DTNA: variants seen among roughly 807,000 people sequenced by gnomAD.
DTNA encodes dystrobrevin alpha, also known as dystrophin-related protein 3.
DTNA carries 43 observed loss-of-function variants against 100.7 expected under a neutral mutation model. That is an observed-to-expected ratio of 0.43 (90% CI 0.33 to 0.55). The LOEUF (loss-of-function observed/expected upper bound fraction) is 0.55, where lower values mean the gene tolerates loss of function less well. DTNA is among the 20% of genes least tolerant of loss of function. DTNA has a pLI of 0.04. For missense variants in DTNA, 798 were observed against 953.9 expected (o/e 0.84, Z 2.15); for synonymous variants, 349 against 347.9 (o/e 1.00, Z -0.04).
intron 17 of DTNA, chr18:34,867,152 CA>C: frequency 1.6e-6 from 2 of 1,231,284 alleles, no homozygotes; most frequent in Non-Finnish European, 2.0e-6. Context: ...ACAACCTGTC[CA>C]ATTTCAACGT....
At chr18:34,629,903 C>T (rs2057849560) in intron 1 of DTNA, among the ~76,000 whole-genome samples, 1 of 152,200 alleles carries the variant, frequency 6.6e-6, no homozygotes, top group Non-Finnish European at 1.5e-5. Context: ...CCTGCTGGGC[C>T]TCTGATTCCA....
At chr18:34,729,717 G>A (rs1171193521) in intron 1 of DTNA, among the ~76,000 whole-genome samples, 1 of 152,046 alleles carries the variant, frequency 6.6e-6, no homozygotes, top group East Asian at 1.9e-4. Context: ...AGATACAAAA[G>A]TAAACACACT....
intron 14 of DTNA, among the ~76,000 whole-genome samples, chr18:34,850,752 C>T (rs2096463744): frequency 6.6e-6 from 1 of 152,134 alleles, no homozygotes; most frequent in Non-Finnish European, 1.5e-5. Flanking sequence ...CATAAGTGTA[C>T]ATAATATGAC....
rs531434237 is a variant in DTNA at position 34,882,250 on chromosome 18, T to C, written c.2295+49T>C. 19 of 1,606,964 alleles carry C rather than the reference T, an allele frequency of 1.2e-5. No homozygotes were observed. The Admixed American group carries it at 2.5e-4, about 21-fold the overall frequency. On this transcript the variant is annotated intron_variant, in intron 21 of 22. Transcript: ENST00000444659. Reference sequence around the variant, plus strand: ...ACCCCACCTCTTCTGCCTCAACCCCTTGGTAGCTGGGTCTTTGACATGACT... The same window carrying C: ...ACCCCACCTCTTCTGCCTCAACCCCCTGGTAGCTGGGTCTTTGACATGACT...
intron 1 of DTNA, among the ~76,000 whole-genome samples, chr18:34,630,472 T>C (rs1390115719): frequency 6.6e-6 from 1 of 152,176 alleles, no homozygotes; most frequent in African/African-American, 2.4e-5. Flanking sequence ...TAGTCAGCGA[T>C]AAGAAAATGA....
intron 1 of DTNA, among the ~76,000 whole-genome samples, chr18:34,669,296 C>T (rs2076402755): frequency 6.6e-6 from 1 of 152,116 alleles, no homozygotes; most frequent in Non-Finnish European, 1.5e-5. Context: ...TTCCTCCGTC[C>T]CTTTATTTTG....
At chr18:34,678,265 G>A (rs1439978337) in intron 1 of DTNA, among the ~76,000 whole-genome samples, 1 of 152,150 alleles carries the variant, frequency 6.6e-6, no homozygotes, top group African/African-American at 2.4e-5. Context: ...AGAGGAAGGG[G>A]AAGATTTTGT....
rs566698666 is a variant in DTNA at position 34,509,819 on chromosome 18, A to G, written c.-2+16305A>G. 2.6e-5 allele frequency among the ~76,000 whole-genome samples: 4 copies of G among 152,232 alleles called. No homozygotes were observed. In the East Asian group the frequency reaches 7.7e-4, roughly 29 times the overall value. On this transcript the variant is annotated intron_variant, in intron 1 of 19. Transcript: ENST00000283365. The stretch of plus-strand genomic sequence containing the variant: ...ATATGATGTAACAGCTAAAAATAAA[A>G]GTTCTCTAAATACCTTTAATATTTC...
At chr18:34,872,689 C>T (rs2096777264) in intron 17 of DTNA, among the ~76,000 whole-genome samples, 1 of 152,228 alleles carries the variant, frequency 6.6e-6, no homozygotes, top group Admixed American at 6.5e-5. Context: ...TACATCTTTT[C>T]CATGATCCAG....
Position 34,517,567 on chromosome 18 carries a change from G to A in DTNA, c.-2+24053G>A, listed in dbSNP as rs769707598. Among the ~76,000 whole-genome samples the A allele has an allele frequency of 8.4e-4, 128 of 151,510 alleles. 1 individual carries two copies. Among genetic ancestry groups the A allele is most frequent in the Non-Finnish European group, 2.1e-4 (14 of 67,912 alleles). On this transcript the variant is annotated intron_variant, in intron 1 of 19. Coordinates refer to the DTNA transcript ENST00000283365. ...AATCAAGATAGAGAACAGTTCCATA[G>A]TGCTGCTCTTTTATATCCATGCTCA...
chr18:34,580,652 C>T (rs1007369734), intron 1 of DTNA, among the ~76,000 whole-genome samples: 2 of 152,142 alleles, frequency 1.3e-5, no homozygotes, highest in African/African-American at 4.8e-5. Flanking sequence ...TTAAAGCCAT[C>T]CTGCCAATGT....
chr18:34,699,025 T>TA lies in DTNA; in HGVS notation c.-1-56949dup, dbSNP rs533297063. Among the ~76,000 whole-genome samples, 129 of 151,262 alleles carry TA rather than the reference T, an allele frequency of 8.5e-4. 1 individual carries two copies. The highest frequency in any genetic ancestry group is 2.7e-3 in the Admixed American group (41 of 15,058). On this transcript the variant is annotated intron_variant, in intron 1 of 19. Coordinates refer to the DTNA transcript ENST00000283365. ...TCTAGTATGATCTCATTGTGATCCT[T>TA]AACTGATTATATCTGAAAAGACTTT...
Position 34,889,073 on chromosome 18 carries a change from CCT to C in DTNA, c.*1340_*1341del. The C allele has an allele frequency of 2.0e-6, 2 of 985,644 alleles. No individual in the cohort carries two copies. Among genetic ancestry groups the C allele is most frequent in the Non-Finnish European group, 2.4e-6 (2 of 829,924 alleles). The allele number at this position is 985,644 out of a possible 1,614,324, so 61.1% of individuals were successfully genotyped here. On this transcript the variant is annotated 3_prime_UTR_variant, in exon 23 of 23. Transcript: ENST00000444659. ...CCTCTTTAGAGGGCCCTAAAGACCT[CCT>C]TTGGGAATTCTGGGGAAAAAGAAAA... is the stretch of plus-strand genomic sequence containing the variant.
At chr18:34,520,394 A>G (rs758965179) in intron 1 of DTNA, among the ~76,000 whole-genome samples, 1 of 152,132 alleles carries the variant, frequency 6.6e-6, no homozygotes, top group African/African-American at 2.4e-5. Flanking sequence ...GCTCATGCCT[A>G]TAATCCCAGC....
chr18:34,518,025 A>G (rs1297592060), intron 1 of DTNA, among the ~76,000 whole-genome samples: 1 of 152,154 alleles, frequency 6.6e-6, no homozygotes, highest in Non-Finnish European at 1.5e-5. Flanking sequence ...TTCAGAATGG[A>G]TGTGCCAGTT....
chr18:34,576,024 A>C (rs956221108), intron 1 of DTNA, among the ~76,000 whole-genome samples: 1 of 152,186 alleles, frequency 6.6e-6, no homozygotes, highest in South Asian at 2.1e-4. Flanking sequence ...AGCAGAAAAC[A>C]TGCCATGATG....
At chr18:34,579,554 A>G (rs1025862630) in intron 1 of DTNA, among the ~76,000 whole-genome samples, 9 of 152,170 alleles carry the variant, frequency 5.9e-5, no homozygotes, top group Admixed American at 5.2e-4. Context: ...TTGAACATAG[A>G]ATTCTAGATT....
At chr18:34,751,282 C>T (rs2092292444) in intron 1 of DTNA, among the ~76,000 whole-genome samples, 2 of 152,256 alleles carry the variant, frequency 1.3e-5, no homozygotes, top group South Asian at 4.1e-4. Context: ...ATGAGTCTCA[C>T]TCCTGAAACA....
intron 1 of DTNA, among the ~76,000 whole-genome samples, chr18:34,570,616 T>G (rs927367613): frequency 6.6e-6 from 1 of 152,180 alleles, no homozygotes; most frequent in Admixed American, 6.5e-5. Context: ...AAAACCACAT[T>G]CTGAAGAATT....
Sources: allele counts gnomAD v4.1 joint callset (sites outside exome capture counted in the v4.1 genomes callset), GRCh38; gene constraint gnomAD v4.1.1; transcripts MANE v1.5; gene names NCBI Gene and HGNC (gene_info 2026-07-23, HGNC 2026-07-21).